Variants in EBF4 observed in about 807,000 individuals in gnomAD.
EBF4 encodes the protein transcription factor COE4.
EBF4 carries 34 observed loss-of-function variants against 67.1 expected under a neutral mutation model. That is an observed-to-expected ratio of 0.51 (90% CI 0.39 to 0.67). EBF4 has a LOEUF of 0.67. Among genes scored for constraint, EBF4 ranks in the 30% least tolerant of loss-of-function variants. The probability of loss-of-function intolerance (pLI) is 0.00; values close to 1 mark genes in which losing one functional copy is unlikely to be tolerated. For missense variants in EBF4, 837 were observed against 873.3 expected (o/e 0.96, Z 0.52); for synonymous variants, 387 against 377.7 (o/e 1.02, Z -0.29).
Position 2,747,111 on chromosome 20 carries a change from G to A in EBF4, c.558-1438G>A, listed in dbSNP as rs577785461. 6.6e-6 allele frequency among the ~76,000 whole-genome samples: 1 copy of A among 152,266 alleles called. No homozygotes were observed. Among genetic ancestry groups the A allele is most frequent in the African/African-American group, 2.4e-5 (1 of 41,544 alleles). ...AATCGAGACCAGCCTGGCCAACATG[G>A]CAAAACACCGTCTCTACTAAAACTA... On this transcript the variant is annotated intron_variant, in intron 6 of 16. Transcript: ENST00000609451. This position sits in a 1 kb window ranked among gnomAD's most constrained non-coding sequence, Gnocchi z 4.6.
Position 2,714,292 on chromosome 20 carries a change from T to G in EBF4, c.557+4650T>G, listed in dbSNP as rs531191989. On this transcript the variant is annotated intron_variant, in intron 6 of 16. Coordinates refer to ENST00000609451, the Ensembl canonical transcript of EBF4. The stretch of plus-strand genomic sequence containing the variant: ...TTTTCTTTTCTCCTTCCTTCCTTCC[T>G]TCCTTCTTTCCTTCCTTCCTTCTTT... 1.3e-4 allele frequency among the ~76,000 whole-genome samples: 20 copies of G among 152,174 alleles called. No individual in the cohort carries two copies. The East Asian group carries it at 3.5e-3, about 26-fold the overall frequency.
intron 6 of EBF4, among the ~76,000 whole-genome samples, chr20:2,718,961 A>G (rs80023036): frequency 0.02 from 3,001 of 152,150 alleles, 62 homozygotes; most frequent in Middle Eastern, 0.065. Context: ...CAAAATTCTG[A>G]TATGTTTTCA....
At chr20:2,732,764 G>T (rs747002570) in intron 6 of EBF4, among the ~76,000 whole-genome samples, 1 of 151,830 alleles carries the variant, frequency 6.6e-6, no homozygotes, top group Non-Finnish European at 1.5e-5. Flanking sequence ...TGATAGAACA[G>T]GATTTATGTC....
Position 2,756,432 on chromosome 20 carries a change from T to A in EBF4, c.1738+608T>A, listed in dbSNP as rs2146522712. Among the ~76,000 whole-genome samples the A allele has an allele frequency of 6.6e-6, 1 of 152,256 alleles. No homozygotes were observed. The highest frequency in any genetic ancestry group is 1.5e-5 in the Non-Finnish European group (1 of 68,006). ...TCCTATCCACGTGGTGATTGGAAAC[T>A]CACTGGGAGGACAGAGGAAGGGACT... On this transcript the variant is annotated intron_variant, in intron 15 of 16. Coordinates refer to ENST00000609451, the Ensembl canonical transcript of EBF4. The surrounding 1 kb of genome is among the most constrained non-coding windows in gnomAD (Gnocchi z 4.5).
intron 6 of EBF4, among the ~76,000 whole-genome samples, chr20:2,729,326 C>G (rs572447495): frequency 6.6e-6 from 1 of 152,314 alleles, no homozygotes; most frequent in Non-Finnish European, 1.5e-5. Flanking sequence ...CCCTAATCAG[C>G]TCTGAAACAG....
At chr20:2,754,912 T>C (rs767795364) in intron 14 of EBF4, among the ~76,000 whole-genome samples, 1 of 149,632 alleles carries the variant, frequency 6.7e-6, no homozygotes, top group Non-Finnish European at 1.5e-5. Flanking sequence ...TCTGAGGATG[T>C]ACATCCCTGC....
At chr20:2,742,808 C>T (rs571018149) in intron 6 of EBF4, among the ~76,000 whole-genome samples, 165 of 152,294 alleles carry the variant, frequency 1.1e-3, no homozygotes, top group African/African-American at 3.8e-3. Context: ...CAGGCTCATC[C>T]AAGCTTTAGA....
exon 13 of EBF4, chr20:2,752,093 T>G: frequency 6.9e-7 from 1 of 1,458,158 alleles, no homozygotes; most frequent in East Asian, 2.8e-5. Context: ...CAGGAGCTGC[T>G]CCTGAAGCGC....
intron 6 of EBF4, among the ~76,000 whole-genome samples, chr20:2,735,490 C>T (rs2087865464): frequency 6.6e-6 from 1 of 152,162 alleles, no homozygotes; most frequent in African/African-American, 2.4e-5. Flanking sequence ...TTTTAGAGTT[C>T]TGAGAAAGTT....
intron 6 of EBF4, among the ~76,000 whole-genome samples, chr20:2,720,603 A>G (rs2087667640): frequency 6.6e-6 from 1 of 152,160 alleles, no homozygotes; most frequent in South Asian, 2.1e-4. Context: ...CTTGTATTGT[A>G]TGCTATTACT....
chr20:2,702,102 G>C (rs1390492981), intron 1 of EBF4, among the ~76,000 whole-genome samples: 2 of 152,192 alleles, frequency 1.3e-5, no homozygotes, highest in African/African-American at 4.8e-5. Context: ...AATTCCCTAG[G>C]GAAAGGAGCA....
At chr20:2,741,674 G>A (rs984856178) in intron 6 of EBF4, among the ~76,000 whole-genome samples, 8 of 152,176 alleles carry the variant, frequency 5.3e-5, no homozygotes, top group African/African-American at 1.9e-4. Flanking sequence ...GGGTGTGTGG[G>A]TGAACTACTC....
In EBF4 at chr20:2,693,702, G is replaced by A. The variant is rs1397288945; in HGVS notation, c.57G>A (p.Pro19=). 3.5e-6 allele frequency: 5 copies of A among 1,424,260 alleles called. No individual in the cohort carries two copies. The highest frequency in any genetic ancestry group is 1.4e-5 in the South Asian group (1 of 70,276). The allele number at this position is 1,424,260 out of a possible 1,614,324, so 88.2% of individuals were successfully genotyped here. ...GCGGGCTGAACCTGAAGGAGGAGCC[G>A]CTGCTGCCCGCCGGCCTGGGCTCAG... is the stretch of plus-strand genomic sequence containing the variant. The change falls in exon 1 of 17, where the codon CCG becomes CCA. Residue 19 remains proline (P), a synonymous_variant. Transcript: ENST00000609451. This position sits in a 1 kb window ranked among gnomAD's most constrained non-coding sequence, Gnocchi z 4.6.
intron 6 of EBF4, among the ~76,000 whole-genome samples, chr20:2,748,108 C>T (rs1335761267): frequency 6.6e-6 from 1 of 152,082 alleles, no homozygotes; most frequent in Non-Finnish European, 1.5e-5. Context: ...GTGACGTATA[C>T]ACAGTGTGTG....
chr20:2,735,568 T>G (rs758515422), intron 6 of EBF4, among the ~76,000 whole-genome samples: 12 of 152,250 alleles, frequency 7.9e-5, no homozygotes, highest in African/African-American at 2.9e-4. Flanking sequence ...GGTCTTTACT[T>G]AGCAATTCCC....
chr20:2,735,050 A>G (rs1568579765), intron 6 of EBF4, among the ~76,000 whole-genome samples: 1 of 152,176 alleles, frequency 6.6e-6, no homozygotes, highest in East Asian at 1.9e-4. Context: ...TTATGGCCAA[A>G]CTTTTATTTG....
intron 1 of EBF4, 46 bp from the exon 2 acceptor site, chr20:2,705,531 C>A: frequency 5.8e-6 from 9 of 1,551,408 alleles, no homozygotes; most frequent in Non-Finnish European, 7.0e-6. Flanking sequence ...GAGTCTTTCT[C>A]ACTGGGGGGC....
chr20:2,752,015 G>A (rs760122234), intron 12 of EBF4, 28 bp downstream of exon 12: 2 of 1,533,552 alleles, frequency 1.3e-6, no homozygotes, highest in African/African-American at 1.4e-5. Flanking sequence ...TCCCAGCGCC[G>A]CCGGGACCGG....
intron 10 of EBF4, among the ~76,000 whole-genome samples, chr20:2,750,390 C>G (rs2088124701): frequency 6.6e-6 from 1 of 152,262 alleles, no homozygotes; most frequent in African/African-American, 2.4e-5. Context: ...TTCCCCCACG[C>G]TACCCCAGGC....
Sources: allele counts gnomAD v4.1 joint callset (sites outside exome capture counted in the v4.1 genomes callset), GRCh38; gene constraint gnomAD v4.1.1; non-coding constraint Gnocchi (gnomAD v3.1); transcripts MANE v1.5; gene names NCBI Gene and HGNC (gene_info 2026-07-23, HGNC 2026-07-21).